Variants in ZNF462 observed in about 807,000 individuals in gnomAD.
ZNF462 encodes zinc finger protein 462.
ZNF462 carries 10 observed loss-of-function variants against 201.9 expected under a neutral mutation model. The observed-to-expected ratio is 0.05, with a 90% CI of 0.03 to 0.08. The LOEUF (loss-of-function observed/expected upper bound fraction) is 0.08. Among genes scored for constraint, ZNF462 ranks in the 10% least tolerant of loss-of-function variants. The probability of loss-of-function intolerance (pLI) is 1.00; values close to 1 mark genes in which losing one functional copy is unlikely to be tolerated. For synonymous variants in ZNF462, 1,227 were observed against 1,193.3 expected, an observed-to-expected ratio of 1.03 and a Z score of -0.58; for missense variants, 2,523 against 3,168.3, an observed-to-expected ratio of 0.80 and a Z score of 4.89.
chr9:106,903,248 T>C (rs1244959645), intron 1 of ZNF462, among the ~76,000 whole-genome samples: 1 of 152,198 alleles, frequency 6.6e-6, no homozygotes, highest in African/African-American at 2.4e-5. Flanking sequence ...AAGGTTCCTT[T>C]TGGAATTGCT....
rs1040384115 is a variant in ZNF462, at chr9:106,923,744, A to T, written c.220+141A>T. On this transcript the variant is annotated intron_variant, in intron 2 of 12. Transcript: ENST00000277225. This position sits in a 1 kb window ranked among gnomAD's most constrained non-coding sequence, Gnocchi z 5.6. ...TAGCCATTTTTGTGGTTTGGGCATC[A>T]TGTATCTCTCCTTGAGTACCTTAGG... is the stretch of plus-strand genomic sequence containing the variant. 2 of 779,604 alleles carry T rather than the reference A, an allele frequency of 2.6e-6. No homozygotes were observed. The highest frequency in any genetic ancestry group is 4.1e-6 in the Non-Finnish European group (2 of 490,672). The allele number at this position is 779,604 out of a possible 1,614,324, so 48.3% of individuals were successfully genotyped here.
Position 107,006,742 on chromosome 9 carries a change from C to A in ZNF462, c.7190-2803C>A, listed in dbSNP as rs1459176890. Among the ~76,000 whole-genome samples, 3 of 152,104 alleles carry A rather than the reference C, an allele frequency of 2.0e-5. No homozygotes were observed. The highest frequency in any genetic ancestry group is 2.9e-5 in the Non-Finnish European group (2 of 68,028). ...GGGGGCCCCAGTTTGGCTCTTGAAC[C>A]CCTGACCAAGACAGTCAGCAGGAAA... is the stretch of plus-strand genomic sequence containing the variant. On this transcript the variant is annotated intron_variant, in intron 11 of 12. Transcript: ENST00000277225. This position sits in a 1 kb window ranked among gnomAD's most constrained non-coding sequence, Gnocchi z 4.3.
intron 1 of ZNF462, among the ~76,000 whole-genome samples, chr9:106,901,735 C>G (rs1829073058): frequency 6.6e-6 from 1 of 151,896 alleles, no homozygotes; most frequent in South Asian, 2.1e-4. Flanking sequence ...CTGTTGGTGT[C>G]CAGAAGAGCT....
Position 106,883,618 on chromosome 9 carries a change from G to A in ZNF462, c.-31+20263G>A, listed in dbSNP as rs1587995318. The stretch of plus-strand genomic sequence containing the variant: ...AAATTATTACTGCAAGGAAAGATTA[G>A]ATTAGAGTTGGCTAATGGCAGGTGA... On this transcript the variant is annotated intron_variant, in intron 1 of 12. Transcript: ENST00000277225. The surrounding 1 kb of genome is among the most constrained non-coding windows in gnomAD (Gnocchi z 4.9). Among the ~76,000 whole-genome samples the A allele has an allele frequency of 6.6e-6, 1 of 152,206 alleles. No homozygotes were observed. Among genetic ancestry groups the A allele is most frequent in the East Asian group, 1.9e-4 (1 of 5,198 alleles).
chr9:106,996,253 G>A (rs2132508219), intron 10 of ZNF462, among the ~76,000 whole-genome samples: 1 of 152,270 alleles, frequency 6.6e-6, no homozygotes, highest in South Asian at 2.1e-4. Context: ...CTTTGCTGTT[G>A]TGAATAGTGC....
chr9:106,929,118 A>G lies in ZNF462; in HGVS notation c.5206A>G (p.Ile1736Val), dbSNP rs192125496. Residue 1736 changes from isoleucine to valine, a missense_variant, in exon 3 of 13, where the codon ATC becomes GTC. By Grantham distance (29) the Ile-to-Val change is conservative. This residue lies in a region of ZNF462 where 207 missense variants were observed against 231.6 expected (regional missense o/e 0.89). Transcript: ENST00000277225. The surrounding 1 kb of genome is among the most constrained non-coding windows in gnomAD (Gnocchi z 8.7). The part of the protein sequence containing the change: ...YTHCLAASRT[I>V]SDKPNKVIIP... Reference sequence around the variant, plus strand: ...TCACTGCTTGGCAGCCTCCAGGACCATCAGCGACAAGCCCAACAAAGTGAT... The same window carrying G: ...TCACTGCTTGGCAGCCTCCAGGACCGTCAGCGACAAGCCCAACAAAGTGAT... 1.2e-4 allele frequency: 200 copies of G among 1,614,160 alleles called. No individual in the cohort carries two copies. In the East Asian group the frequency reaches 4.0e-3, roughly 33 times the overall value.
At chr9:106,911,428 T>G (rs1260875016) in intron 1 of ZNF462, among the ~76,000 whole-genome samples, 1 of 152,120 alleles carries the variant, frequency 6.6e-6, no homozygotes, top group Non-Finnish European at 1.5e-5. Flanking sequence ...GAAGGAAAAC[T>G]TGAGCTTGGT....
Position 106,962,266 on chromosome 9 carries a change from C to T in ZNF462, c.6428-9739C>T, listed in dbSNP as rs1831876442. Among the ~76,000 whole-genome samples, 1 of 151,934 alleles carries T rather than the reference C, an allele frequency of 6.6e-6. No homozygotes were observed. Among genetic ancestry groups the T allele is most frequent in the Non-Finnish European group, 1.5e-5 (1 of 67,968 alleles). On this transcript the variant is annotated intron_variant, in intron 7 of 12. Coordinates refer to ENST00000277225, the MANE Select transcript of ZNF462 (RefSeq NM_021224.6). The surrounding 1 kb of genome is among the most constrained non-coding windows in gnomAD (Gnocchi z 4.6). The stretch of plus-strand genomic sequence containing the variant: ...CACAGAGATAGAGTTTCTCAGGAGG[C>T]TGAACCAACAGAGCTTTTGACTCAT...
Position 107,013,008 on chromosome 9 carries a change from G to C in ZNF462, c.*1978G>C, listed in dbSNP as rs1254846207. Reference sequence around the variant, plus strand: ...AACTATCCAGACAAAGATTCATTTTGTGTCTATATTTGTTTTTAATTGGCC... The same window carrying C: ...AACTATCCAGACAAAGATTCATTTTCTGTCTATATTTGTTTTTAATTGGCC... On this transcript the variant is annotated 3_prime_UTR_variant, in exon 13 of 13. Transcript: ENST00000277225. 1 of 142,786 alleles carries C rather than the reference G, an allele frequency of 7.0e-6. No individual in the cohort carries two copies. Among genetic ancestry groups the C allele is most frequent in the Non-Finnish European group, 1.5e-5 (1 of 67,864 alleles). The allele number at this position is 142,786 out of a possible 1,614,324, so 8.8% of individuals were successfully genotyped here. A position where few individuals can be genotyped will look rare whatever the true frequency, so the allele number is the denominator to read the frequency against.
At chr9:106,871,047 C>T (rs186468406) in intron 1 of ZNF462, among the ~76,000 whole-genome samples, 8 of 152,254 alleles carry the variant, frequency 5.3e-5, no homozygotes, top group African/African-American at 9.6e-5. Flanking sequence ...AAATTCTCCC[C>T]GTTAACACTG....
chr9:106,929,617 A>G lies in ZNF462; in HGVS notation c.5705A>G (p.Gln1902Arg), dbSNP rs781699478. The stretch of plus-strand genomic sequence containing the variant: ...TGTAAGCACTGTGATAGCAAACTGC[A>G]AAGCACAGCCGAGCTGACCTCACAC... The part of the protein sequence containing the change: ...YQCKHCDSKL[Q>R]STAELTSHLN... The change falls in exon 3 of 13, where the codon CAA (glutamine) becomes CGA (arginine). Residue 1902 changes from glutamine to arginine, a missense_variant. By Grantham distance (43) the Gln-to-Arg change is conservative. Transcript: ENST00000277225. This position sits in a 1 kb window ranked among gnomAD's most constrained non-coding sequence, Gnocchi z 8.7. 1 of 1,614,244 alleles carries G rather than the reference A, an allele frequency of 6.2e-7. No individual in the cohort carries two copies. The highest frequency in any genetic ancestry group is 8.5e-7 in the Non-Finnish European group (1 of 1,180,048).
rs1830071684 is a variant in ZNF462, at chr9:106,923,602, A to G, written c.219A>G (p.Ser73=). ...AATTTGCCATTGCAGAAGATTTATCAGGTAAATCTATACTAAACTTGGCAC... is the reference window on the plus strand; with the variant it reads ...AATTTGCCATTGCAGAAGATTTATCGGGTAAATCTATACTAAACTTGGCAC... The part of the protein sequence containing the change: ...KDEFAIAEDL[S]GQNATSLGTG... Residue 73 remains serine, a splice_region_variant and synonymous_variant, in exon 2 of 13, where the codon TCA becomes TCG. Transcript: ENST00000277225. This position sits in a 1 kb window ranked among gnomAD's most constrained non-coding sequence, Gnocchi z 5.6. 1.9e-6 allele frequency: 3 copies of G among 1,613,472 alleles called. No homozygotes were observed. In the African/African-American group the frequency reaches 4.0e-5, roughly 21 times the overall value.
At position 106,933,792 on chromosome 9, in the gene ZNF462, T is replaced by C. The variant is rs140770992; in HGVS notation, c.6116+1243T>C. Among the ~76,000 whole-genome samples, 1 of 152,182 alleles carries C rather than the reference T, an allele frequency of 6.6e-6. No homozygotes were observed. The highest frequency in any genetic ancestry group is 2.4e-5 in the African/African-American group (1 of 41,518). ...TGGCATAAGGAGCATTTGGGTGAAG[T>C]CTTAAAGTAGGAAAATAGGACTTGA... On this transcript the variant is annotated intron_variant, in intron 5 of 12. Coordinates refer to ENST00000277225, the MANE Select transcript of ZNF462 (RefSeq NM_021224.6). The surrounding 1 kb of genome is among the most constrained non-coding windows in gnomAD (Gnocchi z 4.3).
At chr9:106,911,250 T>A (rs920092102) in intron 1 of ZNF462, among the ~76,000 whole-genome samples, 4 of 152,236 alleles carry the variant, frequency 2.6e-5, no homozygotes, top group African/African-American at 9.6e-5. Context: ...AATTGCTATA[T>A]AAGAAGTTAA....
At chr9:106,907,298 T>G (rs955570967) in intron 1 of ZNF462, among the ~76,000 whole-genome samples, 7 of 152,176 alleles carry the variant, frequency 4.6e-5, no homozygotes, top group Non-Finnish European at 8.8e-5. Flanking sequence ...TGGAAATACA[T>G]TGGTAACAAT....
intron 7 of ZNF462, among the ~76,000 whole-genome samples, chr9:106,971,478 G>C (rs1826609914): frequency 1.3e-5 from 2 of 151,012 alleles, no homozygotes; most frequent in Admixed American, 1.3e-4. Flanking sequence ...AGCCCTCAAA[G>C]TCAGATTAAA....
At chr9:106,991,838 CTACACACACACA>C (rs911475605) in intron 10 of ZNF462, among the ~76,000 whole-genome samples, 5 of 128,230 alleles carry the variant, frequency 3.9e-5, no homozygotes, top group African/African-American at 1.5e-4. Flanking sequence ...ACAGCACTCT[CTACACACACACA>C]CACACACACA....
chr9:106,969,987 GAA>G (rs1826507146), intron 7 of ZNF462, among the ~76,000 whole-genome samples: 1 of 152,154 alleles, frequency 6.6e-6, no homozygotes, highest in Non-Finnish European at 1.5e-5. Flanking sequence ...GTTTCAAGCA[GAA>G]ACTAGACTTG....
chr9:106,888,540 A>G (rs1828431108), intron 1 of ZNF462, among the ~76,000 whole-genome samples: 1 of 152,158 alleles, frequency 6.6e-6, no homozygotes, highest in South Asian at 2.1e-4. Context: ...TTTCCAATTC[A>G]GTTGCATCCA....
Sources: gnomAD v4.1 joint callset for allele counts (sites outside exome capture counted in the v4.1 genomes callset) on GRCh38, gnomAD v4.1.1 for gene constraint, gnomAD v4.1.1 regional missense constraint, Gnocchi (gnomAD v3.1) non-coding constraint, MANE v1.5 for transcripts, NCBI Gene and HGNC (gene_info 2026-07-23, HGNC 2026-07-21) for gene names.